The following DPP6 variants were observed in gnomAD, a reference collection of about 807,000 sequenced individuals.
The protein encoded by DPP6 is dipeptidyl peptidase like 6, also known as A-type potassium channel modulatory protein DPP6.
Under a neutral mutation model 122.6 loss-of-function variants are expected in DPP6, and 69 were observed. The ratio of observed to expected loss-of-function variants is 0.56; its 90% CI spans 0.46 to 0.69. The LOEUF is 0.69. DPP6 is among the 30% of genes least tolerant of loss of function. The probability of loss-of-function intolerance (pLI) is 0.00; values close to 1 mark genes in which losing one functional copy is unlikely to be tolerated. For synonymous variants in DPP6, 418 were observed against 433.1 expected, an observed-to-expected ratio of 0.97 and a Z score of 0.43; for missense variants, 928 against 1,116.9, an observed-to-expected ratio of 0.83 and a Z score of 2.41.
At chr7:154,203,898 G>C (rs550766913) in intron 1 of DPP6, among the ~76,000 whole-genome samples, 2 of 152,134 alleles carry the variant, frequency 1.3e-5, no homozygotes, top group Non-Finnish European at 2.9e-5. Context: ...ATCTATTTTT[G>C]TGTGTTTTTG....
intron 1 of DPP6, among the ~76,000 whole-genome samples, chr7:154,316,581 C>A (rs1585915807): frequency 1.3e-5 from 2 of 152,152 alleles, no homozygotes; most frequent in African/African-American, 4.8e-5. Flanking sequence ...TCTTCTATTT[C>A]TCAGGTTGGA....
At chr7:154,745,328 C>T (rs149703488) in intron 8 of DPP6, among the ~76,000 whole-genome samples, 2 of 152,306 alleles carry the variant, frequency 1.3e-5, no homozygotes, top group African/African-American at 4.8e-5. Context: ...CATCTCTGAG[C>T]CTCAAAATTC....
At chr7:154,632,523 A>G (rs1586772847) in intron 5 of DPP6, among the ~76,000 whole-genome samples, 1 of 152,204 alleles carries the variant, frequency 6.6e-6, no homozygotes, top group East Asian at 1.9e-4. Context: ...CAACTGAGAT[A>G]GGGATTATCA....
intron 3 of DPP6, among the ~76,000 whole-genome samples, chr7:154,496,264 C>G (rs1563760731): frequency 6.6e-6 from 1 of 152,150 alleles, no homozygotes; most frequent in African/African-American, 2.4e-5. Context: ...TCCATAGTCT[C>G]AGAATCCAAG....
chr7:153,910,143 G>T (rs896807402), intron 1 of DPP6, among the ~76,000 whole-genome samples: 3 of 151,866 alleles, frequency 2.0e-5, no homozygotes, highest in Non-Finnish European at 4.4e-5. Context: ...AATTTAATTT[G>T]TAGCCCAGCC....
chr7:154,739,819 A>T (rs1842736490), intron 8 of DPP6, among the ~76,000 whole-genome samples: 2 of 152,196 alleles, frequency 1.3e-5, no homozygotes, highest in Admixed American at 1.3e-4. Context: ...CTCAAACTGC[A>T]TGGGAGAAAC....
intron 1 of DPP6, among the ~76,000 whole-genome samples, chr7:154,376,208 C>A (rs1813117777): frequency 6.6e-6 from 1 of 152,204 alleles, no homozygotes; most frequent in African/African-American, 2.4e-5. Flanking sequence ...GGCTGAGGAC[C>A]TGAGCAGATG....
chr7:154,869,886 G>A (rs1174799854), intron 18 of DPP6, among the ~76,000 whole-genome samples: 1 of 128,760 alleles, frequency 7.8e-6, no homozygotes, highest in Non-Finnish European at 1.5e-5. Context: ...ATGTCCAAAG[G>A]CTGTCTCTCT....
chr7:153,805,450 G>T, the DPP6 span, among the ~76,000 whole-genome samples: 2 of 152,124 alleles, frequency 1.3e-5, no homozygotes, highest in East Asian at 1.9e-4. Context: ...GAGTGGCAAC[G>T]TTTGTTTAAA....
intron 7 of DPP6, among the ~76,000 whole-genome samples, chr7:154,714,854 G>C (rs543204064): frequency 4.6e-5 from 7 of 152,146 alleles, no homozygotes; most frequent in Non-Finnish European, 8.8e-5. Flanking sequence ...AATACCCAGA[G>C]GGGGCTTGCC....
chr7:154,684,506 C>G (rs1252875900), intron 7 of DPP6, among the ~76,000 whole-genome samples: 1 of 152,154 alleles, frequency 6.6e-6, no homozygotes, highest in African/African-American at 2.4e-5. Flanking sequence ...TCAATTTAAG[C>G]GTAAACTCGA....
At chr7:154,558,380 G>T (rs1366334528) in intron 4 of DPP6, among the ~76,000 whole-genome samples, 1 of 152,106 alleles carries the variant, frequency 6.6e-6, no homozygotes, top group Non-Finnish European at 1.5e-5. Context: ...CTCATATATT[G>T]TCAGGAATTA....
the DPP6 span, among the ~76,000 whole-genome samples, chr7:153,779,902 T>C: frequency 4.6e-5 from 7 of 151,700 alleles, no homozygotes; most frequent in Non-Finnish European, 8.8e-5. Flanking sequence ...AAGATGTCAA[T>C]GGTAGAGAAG....
intron 1 of DPP6, among the ~76,000 whole-genome samples, chr7:153,981,837 AT>A (rs1011881520): frequency 0.015 from 2,231 of 145,712 alleles, 47 homozygotes; most frequent in African/African-American, 0.05. Flanking sequence ...TCTGGGTTGA[AT>A]TTTTTTTTTT....
intron 1 of DPP6, among the ~76,000 whole-genome samples, chr7:153,992,984 A>G (rs1292134786): frequency 6.6e-6 from 1 of 151,154 alleles, no homozygotes; most frequent in Non-Finnish European, 1.5e-5. Flanking sequence ...CTCTCCCCCT[A>G]CCTCCTCCTT....
chr7:154,574,802 T>TG (rs1304631850), intron 5 of DPP6, among the ~76,000 whole-genome samples: 10,991 of 128,372 alleles, frequency 0.086, 1,112 homozygotes, highest in East Asian at 0.54. Flanking sequence ...TGGTGTGTGT[T>TG]TGTGTGTGTG....
At chr7:154,331,230 C>T (rs1482361534) in intron 1 of DPP6, among the ~76,000 whole-genome samples, 1 of 152,208 alleles carries the variant, frequency 6.6e-6, no homozygotes, top group Non-Finnish European at 1.5e-5. Context: ...ATTGGCAATT[C>T]ATTCATCTAT....
rs566650517 is a variant in DPP6, at chr7:154,703,644, A to G, written c.763-24123A>G. On this transcript the variant is annotated intron_variant, in intron 7 of 25. Coordinates refer to ENST00000377770, the MANE Select transcript of DPP6 (RefSeq NM_130797.4). ...AAAAAAAAAAAAAAAAAGAAAAGAA[A>G]TACATTTCATAGGCTGGGCATGGTG... 4.0e-5 allele frequency among the ~76,000 whole-genome samples: 6 copies of G among 151,308 alleles called. No homozygotes were observed. In the East Asian group the frequency reaches 7.8e-4, roughly 20 times the overall value.
intron 5 of DPP6, among the ~76,000 whole-genome samples, chr7:154,619,167 C>G (rs2130843062): frequency 6.6e-6 from 1 of 152,264 alleles, no homozygotes; most frequent in African/African-American, 2.4e-5. Context: ...TGTAAATTAC[C>G]CGGTCTCAGG....
Sources: gnomAD v4.1 joint callset for allele counts (sites outside exome capture counted in the v4.1 genomes callset) on GRCh38, gnomAD v4.1.1 for gene constraint, MANE v1.5 for transcripts, NCBI Gene and HGNC (gene_info 2026-07-23, HGNC 2026-07-21) for gene names.